The following VDAC1 variants were observed in gnomAD, a reference collection of about 807,000 sequenced individuals.
VDAC1 encodes voltage dependent anion channel 1.
Under a neutral mutation model 34.7 loss-of-function variants are expected in VDAC1, and 10 were observed. The observed-to-expected ratio is 0.29, with a 90% CI of 0.18 to 0.49. VDAC1 has a LOEUF of 0.49. Among genes scored for constraint, VDAC1 ranks in the 20% least tolerant of loss-of-function variants. The pLI, the probability that VDAC1 is intolerant of heterozygous loss-of-function variation, is 0.99. For synonymous variants in VDAC1, 130 were observed against 136.0 expected, an observed-to-expected ratio of 0.96 and a Z score of 0.30; for missense variants, 230 against 347.9, an observed-to-expected ratio of 0.66 and a Z score of 2.69.
At chr5:134,108,734 G>C in the VDAC1 span, among the ~76,000 whole-genome samples, 2 of 152,218 alleles carry the variant, frequency 1.3e-5, no homozygotes, top group African/African-American at 4.8e-5. Flanking sequence ...AGGACTGCAG[G>C]AACTGAGACA....
intron 1 of VDAC1, among the ~76,000 whole-genome samples, chr5:134,001,084 T>A (rs1220843116): frequency 6.6e-6 from 1 of 152,162 alleles, no homozygotes; most frequent in Non-Finnish European, 1.5e-5. Flanking sequence ...CTCTGACTGG[T>A]GTGGAAAAAT....
the VDAC1 span, among the ~76,000 whole-genome samples, chr5:134,018,024 G>A: frequency 1.3e-5 from 2 of 152,370 alleles, no homozygotes; most frequent in Admixed American, 1.3e-4. Flanking sequence ...TGCACACTGT[G>A]TTAGTCCGTG....
chr5:133,992,128 C>T lies in VDAC1; in HGVS notation c.117+178G>A, dbSNP rs558547360. 1.9e-4 allele frequency among the ~76,000 whole-genome samples: 29 copies of T among 151,976 alleles called. No homozygotes were observed. The South Asian group carries it at 2.1e-3, about 11-fold the overall frequency. ...GCGGGTGCCTGTAATCCCAGCTACT[C>T]GGTAGGCTGAGGTAGGAGAATCGCT... is the stretch of plus-strand genomic sequence containing the variant. On this transcript the variant is annotated intron_variant, in intron 3 of 8. Transcript: ENST00000265333.
chr5:134,021,876 A>ATTT, the VDAC1 span, among the ~76,000 whole-genome samples: 60 of 133,214 alleles, frequency 4.5e-4, 1 homozygote, highest in Non-Finnish European at 5.7e-4. Flanking sequence ...AAAGCCTGTG[A>ATTT]TTTTTTTTTT....
the VDAC1 span, among the ~76,000 whole-genome samples, chr5:134,014,659 A>G: frequency 1.3e-5 from 2 of 152,130 alleles, no homozygotes; most frequent in Non-Finnish European, 2.9e-5. Flanking sequence ...CAAGGTCAGG[A>G]GTTCAAGACC....
chr5:134,083,885 C>G, the VDAC1 span, among the ~76,000 whole-genome samples: 1 of 152,240 alleles, frequency 6.6e-6, no homozygotes, highest in South Asian at 2.1e-4. Context: ...TGCTTTGTGA[C>G]CAGGATAAAT....
At chr5:133,973,651 T>C in intron 8 of VDAC1, 140 bp downstream of exon 8, 1 of 692,010 alleles carries the variant, frequency 1.4e-6, no homozygotes, top group Non-Finnish European at 2.4e-6. Context: ...TTATAAACAT[T>C]TAATTATACT....
the VDAC1 span, among the ~76,000 whole-genome samples, chr5:134,024,877 C>T: frequency 1.3e-5 from 2 of 152,168 alleles, no homozygotes; most frequent in South Asian, 2.1e-4. Flanking sequence ...TGCCTCTGCA[C>T]CCACTCCCCT....
chr5:134,103,761 C>T, the VDAC1 span, among the ~76,000 whole-genome samples: 1 of 152,218 alleles, frequency 6.6e-6, no homozygotes, highest in Admixed American at 6.5e-5. Context: ...GCCACACAAG[C>T]GTGAGTAGTT....
the VDAC1 span, among the ~76,000 whole-genome samples, chr5:134,039,480 C>T: frequency 1.3e-5 from 2 of 150,726 alleles, no homozygotes; most frequent in African/African-American, 4.9e-5. Flanking sequence ...AGGCTCCTGC[C>T]ACCACGCCCG....
chr5:134,025,750 C>A, the VDAC1 span, among the ~76,000 whole-genome samples: 1 of 151,952 alleles, frequency 6.6e-6, no homozygotes, highest in Non-Finnish European at 1.5e-5. Flanking sequence ...CCACCATGCC[C>A]AGCTAAGTTT....
chr5:134,083,608 A>G, the VDAC1 span, among the ~76,000 whole-genome samples: 1 of 152,222 alleles, frequency 6.6e-6, no homozygotes, highest in Admixed American at 6.5e-5. Context: ...AGAGCTCTGG[A>G]ATGTCCAGGC....
At chr5:134,067,844 A>T in the VDAC1 span, among the ~76,000 whole-genome samples, 1 of 152,158 alleles carries the variant, frequency 6.6e-6, no homozygotes, top group Admixed American at 6.5e-5. Context: ...TCAGTTGGGC[A>T]TGATACCTCA....
chr5:134,101,583 C>CTGTGAGCTGT, the VDAC1 span, among the ~76,000 whole-genome samples: 5 of 151,950 alleles, frequency 3.3e-5, no homozygotes. Flanking sequence ...GAGTCCTGGC[C>CTGTGAGCTGT]TGTGAGCTGT....
rs566238993 is a variant in VDAC1 at position 133,975,650 on chromosome 5, G to A, written c.702+221C>T. ...TAATTTTTGTACTTTTAGTAGACAG[G>A]GTTTCACCGTGTTGGCGAGGCTGGT... On this transcript the variant is annotated intron_variant, in intron 7 of 8. Coordinates refer to ENST00000265333, the MANE Select transcript of VDAC1 (RefSeq NM_003374.3). Among the ~76,000 whole-genome samples the A allele has an allele frequency of 2.3e-3, 342 of 151,922 alleles. 3 individuals are homozygous for A. The highest frequency in any genetic ancestry group is 8.0e-3 in the African/African-American group (332 of 41,426).
the VDAC1 span, among the ~76,000 whole-genome samples, chr5:134,110,275 C>T: frequency 6.6e-6 from 1 of 152,232 alleles, no homozygotes; most frequent in East Asian, 1.9e-4. Context: ...AATAACAATT[C>T]TTGGTTATTG....
At chr5:134,002,186 A>C (rs1186669355) in intron 1 of VDAC1, among the ~76,000 whole-genome samples, 6 of 151,622 alleles carry the variant, frequency 4.0e-5, no homozygotes, top group Non-Finnish European at 7.4e-5. Flanking sequence ...GATGCCCTTC[A>C]CCTCCCCAGC....
At chr5:134,053,518 C>T in the VDAC1 span, among the ~76,000 whole-genome samples, 4 of 152,324 alleles carry the variant, frequency 2.6e-5, no homozygotes, top group East Asian at 5.8e-4. Context: ...AAGCACTGAG[C>T]GCAGCCTGCA....
the VDAC1 span, among the ~76,000 whole-genome samples, chr5:134,081,384 G>A: frequency 9.2e-5 from 14 of 152,164 alleles, no homozygotes; most frequent in Admixed American, 5.2e-4. Flanking sequence ...TCACCATGTT[G>A]CCCAGGCTGG....
Sources: gnomAD v4.1 joint callset for allele counts (sites outside exome capture counted in the v4.1 genomes callset) on GRCh38, gnomAD v4.1.1 for gene constraint, MANE v1.5 for transcripts, NCBI Gene and HGNC (gene_info 2026-07-23, HGNC 2026-07-21) for gene names.